SLC44A1: variants seen among roughly 807,000 people sequenced by gnomAD.
SLC44A1 encodes choline transporter-like protein 1.
In SLC44A1, 26 loss-of-function variants were observed where a neutral mutation model predicts 79.3. The observed-to-expected ratio is 0.33, with a 90% CI of 0.24 to 0.46. The LOEUF (loss-of-function observed/expected upper bound fraction) is 0.46. Ranked by LOEUF, SLC44A1 falls within the 20% of genes least tolerant of loss-of-function variation. The pLI is 1.00. For synonymous variants in SLC44A1, 263 were observed against 286.2 expected (o/e 0.92, Z 0.82); for missense variants, 688 against 798.1 (o/e 0.86, Z 1.66).
intron 5 of SLC44A1, chr9:105,356,003 C>T (rs948587466): frequency 1.3e-5 from 7 of 545,258 alleles, no homozygotes; most frequent in African/African-American, 1.9e-5. Flanking sequence ...TGCACTCCAC[C>T]CTCTTTGATA....
At chr9:105,261,030 CAA>C (rs1017296992) in intron 1 of SLC44A1, among the ~76,000 whole-genome samples, 2 of 152,170 alleles carry the variant, frequency 1.3e-5, no homozygotes, top group Non-Finnish European at 2.9e-5. Flanking sequence ...ATGGTTAAAA[CAA>C]ATACAACTTG....
intron 4 of SLC44A1, among the ~76,000 whole-genome samples, chr9:105,338,979 T>G (rs533136758): frequency 6.6e-6 from 1 of 152,266 alleles, no homozygotes; most frequent in South Asian, 2.1e-4. Flanking sequence ...GAGCTAAAAC[T>G]GCAAAAACTC....
chr9:105,271,128 T>G (rs969988258), intron 1 of SLC44A1, among the ~76,000 whole-genome samples: 5 of 152,230 alleles, frequency 3.3e-5, no homozygotes, highest in Admixed American at 2.0e-4. Context: ...TCCTTCTGTT[T>G]TATAATTCCT....
At position 105,395,968 on chromosome 9, in the gene SLC44A1, G is replaced by A. The variant is rs1828868432; in HGVS notation, c.*6912G>A. On this transcript the variant is annotated 3_prime_UTR_variant, in exon 16 of 16. Coordinates refer to ENST00000374720, the MANE Select transcript of SLC44A1 (RefSeq NM_080546.5). Reference sequence around the variant, plus strand: ...GTGACAATAATAGGATAGCTTTGGGGGCTGGTGATTTGAAACAGGGACTAT... The same window carrying A: ...GTGACAATAATAGGATAGCTTTGGGAGCTGGTGATTTGAAACAGGGACTAT... 1.0e-6 allele frequency: 1 copy of A among 984,714 alleles called. No individual in the cohort carries two copies. The highest frequency in any genetic ancestry group is 1.2e-6 in the Non-Finnish European group (1 of 829,568). The allele number at this position is 984,714 out of a possible 1,614,324, so 61.0% of individuals were successfully genotyped here.
intron 3 of SLC44A1, among the ~76,000 whole-genome samples, chr9:105,316,119 C>G (rs1041667793): frequency 6.6e-6 from 1 of 152,044 alleles, no homozygotes; most frequent in African/African-American, 2.4e-5. Flanking sequence ...TAGTCTTGAG[C>G]AAAATAAACA....
intron 1 of SLC44A1, among the ~76,000 whole-genome samples, chr9:105,285,179 AT>A (rs946140078): frequency 6.6e-6 from 1 of 152,160 alleles, no homozygotes; most frequent in Non-Finnish European, 1.5e-5. Flanking sequence ...ATTGTATGTG[AT>A]TTTTTTAATA....
intron 3 of SLC44A1, 132 bp from the exon 4 acceptor site, chr9:105,335,431 T>C (rs1431252451): frequency 2.6e-5 from 15 of 584,904 alleles, no homozygotes; most frequent in African/African-American, 3.8e-5. Flanking sequence ...TTTTTTAAAA[T>C]GTATTTATGA....
intron 13 of SLC44A1, among the ~76,000 whole-genome samples, chr9:105,380,819 G>A (rs1828439936): frequency 6.6e-6 from 1 of 152,212 alleles, no homozygotes; most frequent in South Asian, 2.1e-4. Context: ...CTTTTTAAAT[G>A]CAAACTACTG....
chr9:105,344,813 A>G (rs1240777312), intron 4 of SLC44A1, among the ~76,000 whole-genome samples: 1 of 152,184 alleles, frequency 6.6e-6, no homozygotes, highest in East Asian at 1.9e-4. Context: ...AGAATATGCC[A>G]TGTTTTATCA....
intron 15 of SLC44A1, among the ~76,000 whole-genome samples, chr9:105,425,272 G>A (rs765909902): frequency 1.3e-5 from 2 of 152,136 alleles, no homozygotes; most frequent in Non-Finnish European, 2.9e-5. Context: ...ACAGTACTAA[G>A]CTTTGACATA....
chr9:105,282,540 G>A (rs1005553772), intron 1 of SLC44A1, among the ~76,000 whole-genome samples: 36 of 151,840 alleles, frequency 2.4e-4, no homozygotes, highest in African/African-American at 8.5e-4. Context: ...ATAATAGATT[G>A]GGTCTTGATT....
At chr9:105,378,059 C>T (rs1421430135) in intron 13 of SLC44A1, among the ~76,000 whole-genome samples, 1 of 152,088 alleles carries the variant, frequency 6.6e-6, no homozygotes, top group Non-Finnish European at 1.5e-5. Flanking sequence ...ACCAGCCTGG[C>T]CAACATGGGG....
intron 2 of SLC44A1, among the ~76,000 whole-genome samples, chr9:105,305,440 C>T (rs1487461452): frequency 1.3e-5 from 2 of 152,124 alleles, no homozygotes; most frequent in African/African-American, 2.4e-5. Flanking sequence ...GCCCTATCTG[C>T]TGGGTCCCAA....
chr9:105,306,386 C>T (rs145494771), intron 2 of SLC44A1, among the ~76,000 whole-genome samples: 10 of 152,192 alleles, frequency 6.6e-5, no homozygotes, highest in Middle Eastern at 3.4e-3. Context: ...CTTTCTGAAA[C>T]TATATTGCTT....
At chr9:105,368,002 T>G (rs933413381) in intron 12 of SLC44A1, among the ~76,000 whole-genome samples, 5 of 152,190 alleles carry the variant, frequency 3.3e-5, no homozygotes, top group African/African-American at 1.2e-4. Flanking sequence ...TAGTGAATAT[T>G]TAGACTCAAA....
chr9:105,377,212 T>C (rs1255232308), intron 13 of SLC44A1, among the ~76,000 whole-genome samples: 4 of 152,188 alleles, frequency 2.6e-5, no homozygotes, highest in Non-Finnish European at 5.9e-5. Flanking sequence ...GCCATGTTTT[T>C]TATTAAGAGT....
chr9:105,404,800 A>T (rs1829007480), intron 15 of SLC44A1, among the ~76,000 whole-genome samples: 1 of 152,222 alleles, frequency 6.6e-6, no homozygotes, highest in Non-Finnish European at 1.5e-5. Flanking sequence ...TTGCTGTAGA[A>T]GCTGGGTAAC....
chr9:105,282,402 T>C (rs947266998), intron 1 of SLC44A1, among the ~76,000 whole-genome samples: 2 of 152,206 alleles, frequency 1.3e-5, no homozygotes, highest in Non-Finnish European at 2.9e-5. Flanking sequence ...ATATGTTTTC[T>C]TGTGAATGTT....
At chr9:105,412,074 A>G (rs184846927) in intron 15 of SLC44A1, among the ~76,000 whole-genome samples, 2 of 152,298 alleles carry the variant, frequency 1.3e-5, no homozygotes, top group East Asian at 3.9e-4. Flanking sequence ...TAATTTCATC[A>G]TTCTTCCTAT....
Sources: allele counts gnomAD v4.1 joint callset (sites outside exome capture counted in the v4.1 genomes callset), GRCh38; gene constraint gnomAD v4.1.1; transcripts MANE v1.5; gene names NCBI Gene and HGNC (gene_info 2026-07-23, HGNC 2026-07-21).